Variants in LNPEP observed in about 807,000 individuals in gnomAD.
LNPEP encodes leucyl and cystinyl aminopeptidase, also known as leucyl-cystinyl aminopeptidase.
Under a neutral mutation model 120.6 loss-of-function variants are expected in LNPEP, and 64 were observed. The ratio of observed to expected loss-of-function variants is 0.53; its 90% CI spans 0.43 to 0.65. LNPEP has a LOEUF of 0.65. Ranked by LOEUF, LNPEP falls within the 30% of genes least tolerant of loss-of-function variation. The pLI, the probability that LNPEP is intolerant of heterozygous loss-of-function variation, is 0.00. For synonymous variants in LNPEP, 435 were observed against 425.4 expected (o/e 1.02, Z -0.28); for missense variants, 1,057 against 1,200.0 (o/e 0.88, Z 1.76).
intron 4 of LNPEP, among the ~76,000 whole-genome samples, chr5:96,992,681 A>G (rs1481790908): frequency 6.6e-6 from 1 of 151,976 alleles, no homozygotes; most frequent in Non-Finnish European, 1.5e-5. Flanking sequence ...ATGGGAGAGA[A>G]AGAGAAGAGT....
In LNPEP at chr5:96,990,220, G is replaced by A. The variant is rs117143844; in HGVS notation, c.1132-2795G>A. ...GTCAGGTGCACGTGCGTGTGTGTGT[G>A]TATATTAAAACTGACTTCTGTAGGG... On this transcript the variant is annotated intron_variant, in intron 4 of 17. Coordinates refer to ENST00000231368, the MANE Select transcript of LNPEP (RefSeq NM_005575.3). Among the ~76,000 whole-genome samples the A allele has an allele frequency of 3.1e-3, 479 of 152,262 alleles. 2 individuals carry two copies. Among genetic ancestry groups the A allele is most frequent in the East Asian group, 0.019 (99 of 5,182 alleles).
chr5:96,977,377 G>A (rs1218164069), intron 1 of LNPEP, among the ~76,000 whole-genome samples: 1 of 152,088 alleles, frequency 6.6e-6, no homozygotes, highest in East Asian at 1.9e-4. Context: ...GACATGTGGA[G>A]GATAGCGTGG....
At chr5:96,999,646 C>T (rs38042) in intron 8 of LNPEP, among the ~76,000 whole-genome samples, 76,312 of 151,680 alleles carry the variant, frequency 0.5, 19,383 homozygotes, top group Middle Eastern at 0.58. Context: ...GCTCTAAGTT[C>T]ATTATATAAT....
At position 96,978,723 on chromosome 5, in the gene LNPEP, G is replaced by A. The variant is rs34505899; in HGVS notation, c.20-415G>A. 4.7e-3 allele frequency among the ~76,000 whole-genome samples: 710 copies of A among 152,288 alleles called. 9 individuals carry two copies. The highest frequency in any genetic ancestry group is 0.016 in the African/African-American group (659 of 41,558). On this transcript the variant is annotated intron_variant, in intron 1 of 17. Transcript: ENST00000231368. ...CCTAGAAGGGGAACCGTGGACTGTAGGTGGGCACATCCCTTTGATCCTACT... is the reference window on the plus strand; with the variant it reads ...CCTAGAAGGGGAACCGTGGACTGTAAGTGGGCACATCCCTTTGATCCTACT...
intron 11 of LNPEP, among the ~76,000 whole-genome samples, chr5:97,007,712 A>G (rs992009345): frequency 6.6e-6 from 1 of 152,192 alleles, no homozygotes; most frequent in East Asian, 1.9e-4. Context: ...AACTTAACAT[A>G]TATAGTAATT....
rs971572189 is a variant in LNPEP, at chr5:97,029,804, G to A, written c.*1271G>A. The A allele has an allele frequency of 6.6e-6, 1 of 152,092 alleles. No individual in the cohort carries two copies. The highest frequency in any genetic ancestry group is 1.5e-5 in the Non-Finnish European group (1 of 68,008). 9.4% of individuals were successfully genotyped at this position (152,092 alleles called of 1,614,324 possible). On this transcript the variant is annotated 3_prime_UTR_variant, in exon 18 of 18. Coordinates refer to ENST00000231368, the MANE Select transcript of LNPEP (RefSeq NM_005575.3). ...AAAGAAGGAAAGAAGAAAAATGAGG[G>A]AGGATGTCCGAAACTGTATGGCATT...
At chr5:96,974,557 A>G (rs886866786) in intron 1 of LNPEP, among the ~76,000 whole-genome samples, 1 of 152,156 alleles carries the variant, frequency 6.6e-6, no homozygotes, top group Non-Finnish European at 1.5e-5. Flanking sequence ...AATGAAAAAC[A>G]AAAGGATTTA....
At chr5:97,020,293 T>A (rs1791161584) in intron 13 of LNPEP, among the ~76,000 whole-genome samples, 1 of 152,104 alleles carries the variant, frequency 6.6e-6, no homozygotes, top group Non-Finnish European at 1.5e-5. Flanking sequence ...GAAAGCAATG[T>A]TCTGTGAAGA....
intron 1 of LNPEP, among the ~76,000 whole-genome samples, chr5:96,950,238 C>G (rs1385545636): frequency 6.6e-6 from 1 of 152,124 alleles, no homozygotes; most frequent in Non-Finnish European, 1.5e-5. Context: ...CATTTACCTC[C>G]TTTCTTCTTT....
Sources: allele counts gnomAD v4.1 joint callset (sites outside exome capture counted in the v4.1 genomes callset), GRCh38; gene constraint gnomAD v4.1.1; transcripts MANE v1.5; gene names NCBI Gene and HGNC (gene_info 2026-07-23, HGNC 2026-07-21).